Variants in KCNG2 observed in about 807,000 individuals in gnomAD.
The protein encoded by KCNG2 is voltage-gated potassium channel regulatory subunit KCNG2.
In KCNG2, 7 loss-of-function variants were observed where a neutral mutation model predicts 12.3. The observed-to-expected ratio is 0.57, with a 90% CI of 0.32 to 1.07. The LOEUF is 1.07. Ranked by LOEUF, KCNG2 falls within the 50% of genes least tolerant of loss-of-function variation. The pLI is 0.04. For synonymous variants in KCNG2, 414 were observed against 351.4 expected (o/e 1.18, Z -1.99); for missense variants, 703 against 726.0 (o/e 0.97, Z 0.36).
intron 3 of KCNG2, among the ~76,000 whole-genome samples, chr18:79,894,012 AT>A (rs1980849943): frequency 6.8e-6 from 1 of 147,790 alleles, no homozygotes; most frequent in South Asian, 2.1e-4. Flanking sequence ...TCTGCTTTTG[AT>A]TGGTTTCTTC....
At chr18:79,866,017 G>GGTGCTGAGAGGTCTGT (rs1246676066) in intron 3 of KCNG2, among the ~76,000 whole-genome samples, 2 of 104,980 alleles carry the variant, frequency 1.9e-5, no homozygotes, top group African/African-American at 4.4e-5. Context: ...GAGAGGTCTG[G>GGTGCTGAGAGGTCTGT]GTGCTGAGAG....
At chr18:79,895,965 T>C (rs1211985506) in intron 3 of KCNG2, among the ~76,000 whole-genome samples, 1 of 152,228 alleles carries the variant, frequency 6.6e-6, no homozygotes, top group Non-Finnish European at 1.5e-5. Flanking sequence ...TAATTAGATA[T>C]ATATATGTAT....
At chr18:79,883,675 C>T (rs979101823) in intron 3 of KCNG2, among the ~76,000 whole-genome samples, 7 of 152,162 alleles carry the variant, frequency 4.6e-5, no homozygotes, top group African/African-American at 1.7e-4. Flanking sequence ...GAGGAGGGGC[C>T]TGTCTGGCAA....
chr18:79,798,621 G>T (rs1185799036), intron 1 of KCNG2, among the ~76,000 whole-genome samples: 1 of 152,256 alleles, frequency 6.6e-6, no homozygotes, highest in Non-Finnish European at 1.5e-5. Context: ...ACCAGCCGGG[G>T]CGCGGCCCGA....
At chr18:79,856,318 C>T (rs369096524) in intron 1 of KCNG2, among the ~76,000 whole-genome samples, 61 bp from the exon 2 acceptor site, 5 of 152,158 alleles carry the variant, frequency 3.3e-5, no homozygotes, top group East Asian at 1.9e-4. Context: ...CACGATGCTC[C>T]GCAGTAATAA....
chr18:79,843,244 C>G (rs1279583993), intron 1 of KCNG2, among the ~76,000 whole-genome samples: 1 of 152,090 alleles, frequency 6.6e-6, no homozygotes, highest in East Asian at 1.9e-4. Context: ...GAATATTATA[C>G]TCGGCAAAGC....
chr18:79,836,609 C>T (rs575693621), intron 1 of KCNG2, among the ~76,000 whole-genome samples: 1 of 152,180 alleles, frequency 6.6e-6, no homozygotes, highest in African/African-American at 2.4e-5. Context: ...AATTGACTCA[C>T]AGTTCCACAT....
intron 1 of KCNG2, among the ~76,000 whole-genome samples, chr18:79,851,237 T>TTATTAGTATATTTTGCATTTG (rs1481827748): frequency 6.6e-6 from 1 of 152,220 alleles, no homozygotes; most frequent in Non-Finnish European, 1.5e-5. Context: ...TTGATTTTCT[T>TTATTAGTATATTTTGCATTTG]TATTAGTATA....
chr18:79,857,436 A>G (rs1424408172), intron 2 of KCNG2, among the ~76,000 whole-genome samples: 2 of 151,786 alleles, frequency 1.3e-5, no homozygotes, highest in Non-Finnish European at 2.9e-5. Context: ...AACTAATGCC[A>G]TTTTGTTAGA....
chr18:79,828,446 GGT>G (rs3042173), intron 1 of KCNG2, among the ~76,000 whole-genome samples: 1 of 151,030 alleles, frequency 6.6e-6, no homozygotes, highest in East Asian at 2.0e-4. Context: ...GCAAGTGTGT[GGT>G]GTGTGTGCAA....
intron 2 of KCNG2, among the ~76,000 whole-genome samples, chr18:79,862,481 G>A (rs1036635300): frequency 7.9e-5 from 12 of 152,184 alleles, no homozygotes; most frequent in Admixed American, 6.5e-4. Flanking sequence ...CATCCAGGCT[G>A]GTCAAGCCTC....
chr18:79,808,156 A>G, intron 1 of KCNG2, among the ~76,000 whole-genome samples: 1 of 108,782 alleles, frequency 9.2e-6, no homozygotes, highest in Non-Finnish European at 1.9e-5. Flanking sequence ...CACTGACCAC[A>G]CTCCACGTTA....
intron 3 of KCNG2, among the ~76,000 whole-genome samples, chr18:79,867,491 G>C (rs199518937): frequency 8.3e-5 from 3 of 36,268 alleles, no homozygotes; most frequent in Non-Finnish European, 2.3e-4. Context: ...TGTCGTGTCT[G>C]GGGGGGGGAT....
intron 3 of KCNG2, among the ~76,000 whole-genome samples, chr18:79,873,960 C>G (rs1979967121): frequency 6.6e-6 from 1 of 152,240 alleles, no homozygotes; most frequent in African/African-American, 2.4e-5. Flanking sequence ...CGTTTCGGGC[C>G]ACTTCGGGCT....
chr18:79,847,466 G>T (rs1978663834), intron 1 of KCNG2, among the ~76,000 whole-genome samples: 1 of 152,210 alleles, frequency 6.6e-6, no homozygotes, highest in Non-Finnish European at 1.5e-5. Context: ...TGGAAACCAC[G>T]CTAAGCGATC....
At chr18:79,816,763 A>C (rs1472827216) in intron 1 of KCNG2, among the ~76,000 whole-genome samples, 3 of 152,176 alleles carry the variant, frequency 2.0e-5, no homozygotes, top group African/African-American at 7.2e-5. Context: ...CCTGAGTGAC[A>C]CCACGGTGCA....
intron 3 of KCNG2, among the ~76,000 whole-genome samples, chr18:79,867,996 G>A (rs1435175106): frequency 2.0e-5 from 3 of 152,232 alleles, no homozygotes; most frequent in African/African-American, 7.2e-5. Context: ...CAGTCTGGGT[G>A]TCTGGCGGCC....
Position 79,899,923 on chromosome 18 carries a change from T to A in KCNG2, c.*107T>A. ...GCGTCTGGCCTGGGGGAGCGGCTCC[T>A]GCCGGCCGCGTCCTCGGCCCTCGTG... is the stretch of plus-strand genomic sequence containing the variant. On this transcript the variant is annotated 3_prime_UTR_variant, in exon 4 of 4. Coordinates refer to ENST00000316249, the MANE Select transcript of KCNG2 (RefSeq NM_012283.2). 9.3e-7 allele frequency: 1 copy of A among 1,077,344 alleles called. No individual in the cohort carries two copies. The highest frequency in any genetic ancestry group is 1.2e-6 in the Non-Finnish European group (1 of 840,878). 66.7% of individuals were successfully genotyped at this position (1,077,344 alleles called of 1,614,324 possible).
rs1980338138 is a variant in KCNG2 at position 79,882,547 on chromosome 18, A to G, written c.625-16493A>G. ...AAAGTTTTGAACAGACACTTCACCA[A>G]AGAAGACACGCCTATGGCAAATACA... On this transcript the variant is annotated intron_variant, in intron 3 of 3. Coordinates refer to ENST00000316249, the MANE Select transcript of KCNG2 (RefSeq NM_012283.2). Among the ~76,000 whole-genome samples, 4 of 152,270 alleles carry G rather than the reference A, an allele frequency of 2.6e-5. No individual in the cohort carries two copies. In the South Asian group the frequency reaches 8.3e-4, roughly 31 times the overall value.
Sources: gnomAD v4.1 joint callset for allele counts (sites outside exome capture counted in the v4.1 genomes callset) on GRCh38, gnomAD v4.1.1 for gene constraint, MANE v1.5 for transcripts, NCBI Gene and HGNC (gene_info 2026-07-23, HGNC 2026-07-21) for gene names.